Variants in EIF4E2 observed in about 807,000 individuals in gnomAD.
EIF4E2 encodes eukaryotic translation initiation factor 4E family member 2.
A neutral mutation model predicts 34.2 loss-of-function variants in EIF4E2; 13 were observed. That is an observed-to-expected ratio of 0.38 (90% CI 0.25 to 0.60). EIF4E2 has a LOEUF of 0.60. Ranked by LOEUF, EIF4E2 falls within the 20% of genes least tolerant of loss-of-function variation. The pLI is 0.62. For missense variants in EIF4E2, 222 were observed against 315.1 expected (o/e 0.70, Z 2.24); for synonymous variants, 100 against 106.6 (o/e 0.94, Z 0.38).
exon 7 of EIF4E2, chr2:232,582,842 C>A (rs759836836): frequency 1.3e-5 from 2 of 152,096 alleles, no homozygotes; most frequent in African/African-American, 2.4e-5. Context: ...TTGAATCTTA[C>A]GTTTTCTAGA....
downstream of EIF4E2, among the ~76,000 whole-genome samples, chr2:232,569,407 C>T (rs969712653): frequency 6.6e-6 from 1 of 152,080 alleles, no homozygotes; most frequent in Non-Finnish European, 1.5e-5. Context: ...AATAAGGTGA[C>T]ATCTAGCTTA....
chr2:232,556,873 C>A (rs1692542439), intron 2 of EIF4E2, among the ~76,000 whole-genome samples: 2 of 152,014 alleles, frequency 1.3e-5, no homozygotes, highest in African/African-American at 4.8e-5. Context: ...GTTTAGTCAG[C>A]AATAGTCTAA....
chr2:232,581,377 A>G lies in EIF4E2; in HGVS notation c.*434A>G. 3.0e-6 allele frequency: 1 copy of G among 337,970 alleles called. No homozygotes were observed. The allele number at this position is 337,970 out of a possible 1,614,324, so 20.9% of individuals were successfully genotyped here. A position where few individuals can be genotyped will look rare whatever the true frequency, so the allele number is the denominator to read the frequency against. On this transcript the variant is annotated 3_prime_UTR_variant, in exon 7 of 7. Coordinates refer to the EIF4E2 transcript ENST00000409098. This position sits in a 1 kb window ranked among gnomAD's most constrained non-coding sequence, Gnocchi z 5.2. Reference sequence around the variant, plus strand: ...AAGTGTTCTGTTGGAGAGTCCCAAAATAGCTGTAAATGCTCTCTTCTAGCT... The same window carrying G: ...AAGTGTTCTGTTGGAGAGTCCCAAAGTAGCTGTAAATGCTCTCTTCTAGCT...
chr2:232,557,255 C>G (rs1295937708), intron 2 of EIF4E2, among the ~76,000 whole-genome samples: 5 of 152,222 alleles, frequency 3.3e-5, no homozygotes, highest in Middle Eastern at 3.4e-3. Context: ...AAAAAACAAA[C>G]AAAGAAATAT....
intron 6 of EIF4E2, chr2:232,568,184 T>C (rs1693001721): frequency 1.0e-6 from 1 of 985,220 alleles, no homozygotes; most frequent in Non-Finnish European, 1.2e-6. Flanking sequence ...TATCATCATG[T>C]TGTTATTATT....
Position 232,557,962 on chromosome 2 carries a change from C to T in EIF4E2, c.214C>T (p.Pro72Ser), listed in dbSNP as rs1350302193. Residue 72 changes from proline to serine, a missense_variant, in exon 3 of 7, where the codon CCC becomes TCC. Transcript: ENST00000258416. ...FWYSRRTPGR[P>S]TSSQSYEQNI... ...GTACTCCAGGAGAACCCCCGGCCGT[C>T]CCACGAGCTCACAGAGCTATGAACA... is the stretch of plus-strand genomic sequence containing the variant. The T allele has an allele frequency of 6.8e-6, 11 of 1,614,062 alleles. No homozygotes were observed. The Admixed American group carries it at 1.5e-4, about 22-fold the overall frequency.
At chr2:232,554,240 C>A (rs1692440935) in intron 1 of EIF4E2, among the ~76,000 whole-genome samples, 1 of 152,278 alleles carries the variant, frequency 6.6e-6, no homozygotes, top group East Asian at 1.9e-4. Flanking sequence ...AATCTGAGTC[C>A]TGTAGGACAA....
intron 6 of EIF4E2, among the ~76,000 whole-genome samples, chr2:232,577,661 C>T (rs866366765): frequency 1.3e-5 from 2 of 152,188 alleles, no homozygotes; most frequent in Admixed American, 1.3e-4. Flanking sequence ...AGTTGGAAGC[C>T]AGTCTGAATG....
At chr2:232,556,860 A>G (rs1229623967) in intron 2 of EIF4E2, among the ~76,000 whole-genome samples, 1 of 152,218 alleles carries the variant, frequency 6.6e-6, no homozygotes, top group Non-Finnish European at 1.5e-5. Flanking sequence ...GAAATTGTAG[A>G]CAGTTTAGTC....
intron 2 of EIF4E2, 51 bp downstream of exon 2, chr2:232,556,581 T>A (rs764365992): frequency 6.2e-4 from 785 of 1,273,222 alleles, no homozygotes; most frequent in Non-Finnish European, 8.1e-4. Context: ...AGACTTTTAT[T>A]ATCTTGTGGA....
At position 232,565,121 on chromosome 2, in the gene EIF4E2, A is replaced by G. The variant is rs137996269; in HGVS notation, c.375+770A>G. Among the ~76,000 whole-genome samples, 486 of 152,346 alleles carry G rather than the reference A, an allele frequency of 3.2e-3. 1 individual carries two copies. Among genetic ancestry groups the G allele is most frequent in the African/African-American group, 0.01 (431 of 41,588 alleles). ...TCTGGTGCCATGGCATTTTTCGAGA[A>G]GACAAATGTGGTCACATCCACGCCA... On this transcript the variant is annotated intron_variant, in intron 4 of 6. Coordinates refer to ENST00000258416, the MANE Select transcript of EIF4E2 (RefSeq NM_004846.4).
rs1692580507 is a variant in EIF4E2, at chr2:232,557,899, C to T, written c.151C>T (p.Pro51Ser). Reference protein sequence around the residue: ...SSKRKAVVPGPAEHPLQYNYT... With the variant: ...SSKRKAVVPGSAEHPLQYNYT... ...TACTTCCCAGGCTGTTGTCCCTGGA[C>T]CGGCAGAGCATCCCCTGCAGTACAA... The change falls in exon 3 of 7, where the codon CCG (proline) becomes TCG (serine). Residue 51 changes from proline (P) to serine (S), a missense_variant. Physicochemically the swap from Pro to Ser is moderately conservative, Grantham distance 74. This residue lies in a region of EIF4E2 where 87 missense variants were observed against 93.6 expected (regional missense o/e 0.93). Coordinates refer to ENST00000258416, the MANE Select transcript of EIF4E2 (RefSeq NM_004846.4). The T allele has an allele frequency of 1.9e-6, 3 of 1,613,542 alleles. No individual in the cohort carries two copies. In the Admixed American group the frequency reaches 5.0e-5, roughly 27 times the overall value.
chr2:232,562,797 T>C (rs1692768144), intron 3 of EIF4E2, among the ~76,000 whole-genome samples: 1 of 152,228 alleles, frequency 6.6e-6, no homozygotes, highest in Non-Finnish European at 1.5e-5. Context: ...TATGTTAGGG[T>C]GGATAAAGGT....
chr2:232,568,549 T>G, intron 6 of EIF4E2: 1 of 985,368 alleles, frequency 1.0e-6, no homozygotes, highest in Non-Finnish European at 1.2e-6. Flanking sequence ...GTTTCTAGGA[T>G]TCTCGTTTTC....
intron 6 of EIF4E2, among the ~76,000 whole-genome samples, chr2:232,579,059 A>G (rs549013131): frequency 8.6e-5 from 13 of 151,850 alleles, no homozygotes; most frequent in Non-Finnish European, 1.8e-4. Flanking sequence ...TGTAGGTACA[A>G]AAAAAGTGTC....
At chr2:232,579,635 T>C (rs910856837) in intron 6 of EIF4E2, among the ~76,000 whole-genome samples, 2 of 152,160 alleles carry the variant, frequency 1.3e-5, no homozygotes, top group African/African-American at 4.8e-5. Flanking sequence ...TTAGCACATA[T>C]TTACTCTGAA....
chr2:232,573,976 C>G (rs1337714992), downstream of EIF4E2: 3 of 617,160 alleles, frequency 4.9e-6, no homozygotes, highest in Non-Finnish European at 9.2e-6. Flanking sequence ...TTACTGGCCT[C>G]CCCTGGAGCC....
chr2:232,569,215 G>A, downstream of EIF4E2: 1 of 1,417,838 alleles, frequency 7.1e-7, no homozygotes, highest in South Asian at 1.6e-5. Flanking sequence ...AAACTAGCTT[G>A]TCTCATGCTC....
In EIF4E2 at chr2:232,564,240, T is replaced by C. The variant is rs1332993891; in HGVS notation, c.271-7T>C. 3 of 1,579,236 alleles carry C rather than the reference T, an allele frequency of 1.9e-6. No homozygotes were observed. The Admixed American group carries it at 5.4e-5, about 29-fold the overall frequency. On this transcript the variant is annotated splice_polypyrimidine_tract_variant and splice_region_variant and intron_variant, in intron 3 of 6. Coordinates refer to ENST00000258416, the MANE Select transcript of EIF4E2 (RefSeq NM_004846.4). ...ATGTTTTTTACTCTGGGGTCTTCTC[T>C]CTGCAGGTGGAGCAGTTCTGGAGGT...
Sources: gnomAD v4.1 joint callset for allele counts (sites outside exome capture counted in the v4.1 genomes callset) on GRCh38, gnomAD v4.1.1 for gene constraint, gnomAD v4.1.1 regional missense constraint, Gnocchi (gnomAD v3.1) non-coding constraint, MANE v1.5 for transcripts, NCBI Gene and HGNC (gene_info 2026-07-23, HGNC 2026-07-21) for gene names.